Variants in UHRF2 observed in about 807,000 individuals in gnomAD.
The protein encoded by UHRF2 is E3 ubiquitin-protein ligase UHRF2.
In UHRF2, 23 loss-of-function variants were observed where a neutral mutation model predicts 96.8. The observed-to-expected ratio is 0.24, with a 90% confidence interval of 0.17 to 0.34. The LOEUF (loss-of-function observed/expected upper bound fraction) is 0.34. Among genes scored for constraint, UHRF2 ranks in the 10% least tolerant of loss-of-function variants. UHRF2 has a pLI of 1.00. For missense variants in UHRF2, 685 were observed against 981.5 expected (o/e 0.70, Z 4.04); for synonymous variants, 385 against 332.6 (o/e 1.16, Z -1.72).
intron 14 of UHRF2, among the ~76,000 whole-genome samples, chr9:6,502,310 CT>C (rs1482951065): frequency 2.0e-5 from 3 of 152,138 alleles, no homozygotes; most frequent in Non-Finnish European, 4.4e-5. Context: ...CTTGATACCC[CT>C]GGGCCTTTAC....
intron 2 of UHRF2, among the ~76,000 whole-genome samples, chr9:6,426,315 C>T (rs1182864289): frequency 6.6e-6 from 1 of 152,190 alleles, no homozygotes; most frequent in Non-Finnish European, 1.5e-5. Context: ...TTGAGCTTTG[C>T]CAGGAGACCT....
chr9:6,486,925 C>T lies in UHRF2; in HGVS notation c.1497C>T (p.Val499=), dbSNP rs1476594592. 8 of 1,613,722 alleles carry T rather than the reference C, an allele frequency of 5.0e-6. No individual in the cohort carries two copies. The highest frequency in any genetic ancestry group is 1.7e-5 in the Admixed American group (1 of 60,002). The change falls in exon 9 of 16, where the codon GTC becomes GTT. Residue 499 remains valine, a splice_region_variant and synonymous_variant. Transcript: ENST00000276893. The stretch of plus-strand genomic sequence containing the variant: ...TGGCTGGTGGATTTGCGGATGAAGT[C>T]GTAAGTCATTATACAACCTTACTCA... ...LVLAGGFADE[V]DRGDEFTYTG... is the part of the protein sequence containing the mutation.
chr9:6,452,923 T>G (rs1185897646), intron 3 of UHRF2, among the ~76,000 whole-genome samples: 1 of 152,178 alleles, frequency 6.6e-6, no homozygotes, highest in Non-Finnish European at 1.5e-5. Flanking sequence ...AAATATTAGG[T>G]AACATTTGAG....
chr9:6,454,346 G>T (rs902067398), intron 3 of UHRF2, among the ~76,000 whole-genome samples: 4 of 152,202 alleles, frequency 2.6e-5, no homozygotes, highest in Non-Finnish European at 5.9e-5. Context: ...CATTAAAAAT[G>T]GTTTGAATTA....
At chr9:6,472,268 A>C (rs1309024702) in intron 4 of UHRF2, among the ~76,000 whole-genome samples, 1 of 152,132 alleles carries the variant, frequency 6.6e-6, no homozygotes, top group Non-Finnish European at 1.5e-5. Flanking sequence ...GTGAAGTTAG[A>C]CCCTTTAAAG....
intron 2 of UHRF2, among the ~76,000 whole-genome samples, chr9:6,430,015 G>C (rs1231376464): frequency 6.6e-6 from 1 of 152,202 alleles, no homozygotes; most frequent in Non-Finnish European, 1.5e-5. Flanking sequence ...TTGTCTAAAT[G>C]TGGCTTTTCT....
chr9:6,434,203 T>C (rs778701752), intron 3 of UHRF2, 30 bp downstream of exon 3: 5 of 1,571,802 alleles, frequency 3.2e-6, no homozygotes, highest in Non-Finnish European at 4.3e-6. Flanking sequence ...AGGACTTTAT[T>C]CATATTTTCA....
intron 2 of UHRF2, among the ~76,000 whole-genome samples, chr9:6,429,728 A>G (rs752324063): frequency 5.3e-5 from 8 of 152,250 alleles, no homozygotes; most frequent in Admixed American, 2.0e-4. Context: ...CTGGGTTGGC[A>G]CGTTACATGA....
At chr9:6,426,992 C>CCTCAGGTGATCAG in intron 2 of UHRF2, among the ~76,000 whole-genome samples, 1 of 151,726 alleles carries the variant, frequency 6.6e-6, no homozygotes, top group South Asian at 2.1e-4. Flanking sequence ...CAGGTGATCA[C>CCTCAGGTGATCAG]CTGCCTCGGC....
At chr9:6,482,156 A>T in intron 8 of UHRF2, 57 bp downstream of exon 8, 1 of 1,364,908 alleles carries the variant, frequency 7.3e-7, no homozygotes. Context: ...GATTATAGCA[A>T]TGTTAATGTC....
intron 3 of UHRF2, among the ~76,000 whole-genome samples, chr9:6,436,017 C>T (rs973024407): frequency 2.0e-5 from 3 of 152,054 alleles, no homozygotes; most frequent in Admixed American, 6.6e-5. Flanking sequence ...AATTGTAGTA[C>T]GAAAGTTACT....
intron 4 of UHRF2, among the ~76,000 whole-genome samples, chr9:6,474,346 A>G (rs1219328687): frequency 2.0e-5 from 3 of 152,226 alleles, no homozygotes; most frequent in African/African-American, 4.8e-5. Context: ...ATTACTAGAG[A>G]TAAGATATTC....
intron 2 of UHRF2, among the ~76,000 whole-genome samples, chr9:6,432,168 G>A (rs1203508214): frequency 2.0e-5 from 3 of 152,080 alleles, no homozygotes; most frequent in Admixed American, 1.3e-4. Flanking sequence ...ACCCAGCATG[G>A]TTGGCTCTTA....
rs1159334918 is a variant in UHRF2, at chr9:6,420,980, C to T, written c.222C>T (p.Arg74=). 6.2e-7 allele frequency: 1 copy of T among 1,613,514 alleles called. No homozygotes were observed. The highest frequency in any genetic ancestry group is 8.5e-7 in the Non-Finnish European group (1 of 1,179,882). The change falls in exon 2 of 16, where the codon CGC becomes CGT. Residue 74 remains arginine (R), a synonymous_variant. Transcript: ENST00000276893. ...GLNDIIQLLV[R]PDPDHLPGTS... is the part of the protein sequence containing the mutation. ...ATGATATAATTCAGCTGCTAGTTCG[C>T]CCAGACCCTGATCATCTTCCTGGCA...
At chr9:6,433,870 T>C (rs760581436) in intron 2 of UHRF2, 44 bp from the exon 3 acceptor site, 3 of 1,572,682 alleles carry the variant, frequency 1.9e-6, no homozygotes, top group African/African-American at 2.7e-5. Context: ...TTTGAAGCAG[T>C]AGACAAAATT....
At chr9:6,501,817 C>A (rs1427487293) in intron 14 of UHRF2, among the ~76,000 whole-genome samples, 1 of 152,198 alleles carries the variant, frequency 6.6e-6, no homozygotes, top group African/African-American at 2.4e-5. Context: ...AGTTGTTAAT[C>A]AGCCTAATTA....
Position 6,486,678 on chromosome 9 carries a change from A to G in UHRF2, c.1393-143A>G, listed in dbSNP as rs41281763. 1,279 of 693,132 alleles carry G rather than the reference A, an allele frequency of 1.8e-3. 7 individuals are homozygous for G. Among genetic ancestry groups the G allele is most frequent in the Non-Finnish European group, 2.6e-3 (1,106 of 424,372 alleles). The allele number at this position is 693,132 out of a possible 1,614,324, so 42.9% of individuals were successfully genotyped here. On this transcript the variant is annotated intron_variant, in intron 8 of 15. Transcript: ENST00000276893. ...TTCTTGGATCTTTAGGTACCAGGAGATTTAAAATGAGAGAGCAAAAGATAG... is the reference window on the plus strand; with the variant it reads ...TTCTTGGATCTTTAGGTACCAGGAGGTTTAAAATGAGAGAGCAAAAGATAG...
intron 2 of UHRF2, among the ~76,000 whole-genome samples, chr9:6,426,227 G>A (rs1186380545): frequency 1.3e-5 from 2 of 152,118 alleles, no homozygotes; most frequent in Non-Finnish European, 2.9e-5. Flanking sequence ...TTAGTGCTTT[G>A]GCTGTGAACT....
chr9:6,454,911 C>A (rs532281082), intron 3 of UHRF2, among the ~76,000 whole-genome samples: 3 of 152,296 alleles, frequency 2.0e-5, no homozygotes, highest in African/African-American at 7.2e-5. Flanking sequence ...GATTGCTGGA[C>A]CTCATTTCCA....
Sources: gnomAD v4.1 joint callset for allele counts (sites outside exome capture counted in the v4.1 genomes callset) on GRCh38, gnomAD v4.1.1 for gene constraint, MANE v1.5 for transcripts, NCBI Gene and HGNC (gene_info 2026-07-23, HGNC 2026-07-21) for gene names.